Variants in NUP107 observed in about 807,000 individuals in gnomAD.
NUP107 encodes nucleoporin 107, also known as nuclear pore complex protein Nup107.
A neutral mutation model predicts 141.0 loss-of-function variants in NUP107; 101 were observed. The ratio of observed to expected loss-of-function variants is 0.72; its 90% CI spans 0.61 to 0.84. NUP107 has a LOEUF of 0.84. Among genes scored for constraint, NUP107 ranks in the 40% least tolerant of loss-of-function variants. The pLI is 0.00. For synonymous variants in NUP107, 319 were observed against 363.9 expected (o/e 0.88, Z 1.41); for missense variants, 941 against 1,102.7 (o/e 0.85, Z 2.08).
chr12:68,719,479 C>T lies in NUP107; in HGVS notation c.1174+48C>T, dbSNP rs767851361. On this transcript the variant is annotated intron_variant, in intron 13 of 27. Coordinates refer to ENST00000229179, the MANE Select transcript of NUP107 (RefSeq NM_020401.4). Reference sequence around the variant, plus strand: ...GACAGTTGAGGACAAAGGCATTTCGCTCTAAATGCCAATCTTTGTGAACTA... The same window carrying T: ...GACAGTTGAGGACAAAGGCATTTCGTTCTAAATGCCAATCTTTGTGAACTA... The T allele has an allele frequency of 3.9e-5, 60 of 1,552,668 alleles. No individual in the cohort carries two copies. The East Asian group carries it at 1.3e-3, about 34-fold the overall frequency.
chr12:68,719,442 A>G lies in NUP107; in HGVS notation c.1174+11A>G. 6.2e-7 allele frequency: 1 copy of G among 1,610,358 alleles called. No homozygotes were observed. Among genetic ancestry groups the G allele is most frequent in the Non-Finnish European group, 8.5e-7 (1 of 1,176,714 alleles). On this transcript the variant is annotated intron_variant, in intron 13 of 27. Transcript: ENST00000229179. ...CTAATGTTAATGGAGGTATTTTAGT[A>G]GATTTTATTCTGACAGTTGAGGACA...
At chr12:68,728,832 C>T (rs141872227) in intron 20 of NUP107, among the ~76,000 whole-genome samples, 3 of 151,570 alleles carry the variant, frequency 2.0e-5, no homozygotes, top group East Asian at 3.9e-4. Context: ...CTATACTGTA[C>T]CTGTTAATAC....
At chr12:68,735,719 CAG>C (rs1162281121) in intron 26 of NUP107, among the ~76,000 whole-genome samples, 1 of 152,110 alleles carries the variant, frequency 6.6e-6, no homozygotes, top group Non-Finnish European at 1.5e-5. Context: ...AATGACCTGG[CAG>C]ACTTTTTAAA....
chr12:68,704,456 T>C (rs1444253029), intron 8 of NUP107, among the ~76,000 whole-genome samples: 2 of 151,832 alleles, frequency 1.3e-5, no homozygotes, highest in Non-Finnish European at 2.9e-5. Context: ...TAAAAGTAAT[T>C]CTTTTTTTTT....
At chr12:68,740,059 T>C (rs1013288736) in intron 26 of NUP107, 2 of 152,210 alleles carry the variant, frequency 1.3e-5, no homozygotes, top group African/African-American at 4.8e-5. Flanking sequence ...TTCATTATAA[T>C]TAGCAGAAGA....
In NUP107 at chr12:68,737,934, G is replaced by A. The variant is rs147508836; in HGVS notation, c.2502+2590G>A. 3.8e-4 allele frequency among the ~76,000 whole-genome samples: 58 copies of A among 152,182 alleles called. No individual in the cohort carries two copies. The East Asian group carries it at 9.5e-3, about 25-fold the overall frequency. ...AGGAGGGCAGATCACGTGAGGCCAG[G>A]AATTCGAGACCAGCCTGGCCAATAT... On this transcript the variant is annotated intron_variant, in intron 26 of 27. Coordinates refer to ENST00000229179, the MANE Select transcript of NUP107 (RefSeq NM_020401.4).
At chr12:68,730,829 G>A (rs1877791848) in intron 20 of NUP107, among the ~76,000 whole-genome samples, 1 of 152,000 alleles carries the variant, frequency 6.6e-6, no homozygotes, top group South Asian at 2.1e-4. Context: ...AATTAGCAGG[G>A]CATAGTGGCA....
intron 8 of NUP107, among the ~76,000 whole-genome samples, chr12:68,707,335 C>T (rs1157839828): frequency 1.3e-5 from 2 of 152,152 alleles, no homozygotes; most frequent in Non-Finnish European, 2.9e-5. Flanking sequence ...GGTGTGGAGG[C>T]TCATGCCGGT....
intron 19 of NUP107, among the ~76,000 whole-genome samples, 164 bp downstream of exon 19, chr12:68,726,781 G>A (rs1199149274): frequency 6.6e-6 from 1 of 152,222 alleles, no homozygotes; most frequent in Non-Finnish European, 1.5e-5. Flanking sequence ...CTCACTGAGA[G>A]TGGCCCTTTA....
chr12:68,688,833 TA>T, intron 1 of NUP107, 128 bp from the exon 2 acceptor site: 1 of 551,978 alleles, frequency 1.8e-6, no homozygotes, highest in Non-Finnish European at 3.1e-6. Context: ...ACAAAAGATC[TA>T]AGACTTGGCT....
At chr12:68,692,588 A>C (rs1453755419) in intron 5 of NUP107, among the ~76,000 whole-genome samples, 2 of 139,160 alleles carry the variant, frequency 1.4e-5, no homozygotes, top group Non-Finnish European at 3.3e-5. Flanking sequence ...AAAAAAAAAA[A>C]ACAAAAAAAA....
intron 8 of NUP107, among the ~76,000 whole-genome samples, chr12:68,709,030 G>C (rs953462775): frequency 6.6e-6 from 1 of 152,168 alleles, no homozygotes; most frequent in Admixed American, 6.6e-5. Context: ...CCAGGTAAGA[G>C]CAGCTACAAT....
chr12:68,710,382 G>T (rs1435759974), intron 10 of NUP107, among the ~76,000 whole-genome samples: 1 of 152,138 alleles, frequency 6.6e-6, no homozygotes, highest in African/African-American at 2.4e-5. Flanking sequence ...AACAAGCCGG[G>T]TGTGATGGCT....
intron 1 of NUP107, chr12:68,687,484 C>T: frequency 1.9e-6 from 2 of 1,039,352 alleles, no homozygotes; most frequent in Non-Finnish European, 2.3e-6. Flanking sequence ...TGAGTTCCCT[C>T]TATGATCTGG....
intron 10 of NUP107, among the ~76,000 whole-genome samples, chr12:68,711,531 A>G (rs12581856): frequency 7.3e-6 from 1 of 136,918 alleles, no homozygotes; most frequent in African/African-American, 2.5e-5. Flanking sequence ...GCGAGACTCC[A>G]CCTCAAAAAA....
rs200415130 is a variant in NUP107, at chr12:68,725,724, C to T, written c.1507-3C>T. On this transcript the variant is annotated splice_region_variant and splice_polypyrimidine_tract_variant and intron_variant, in intron 17 of 27. Coordinates refer to ENST00000229179, the MANE Select transcript of NUP107 (RefSeq NM_020401.4). ...TATGGAAAATTAAAAACTTTTTTTT[C>T]AGAGAGTTCTGGAAGAGAATCAAGA... The T allele has an allele frequency of 2.0e-5, 30 of 1,480,902 alleles. No homozygotes were observed. The East Asian group carries it at 6.4e-4, about 32-fold the overall frequency. 91.7% of individuals were successfully genotyped at this position (1,480,902 alleles called of 1,614,324 possible).
intron 8 of NUP107, chr12:68,706,942 C>T: frequency 1.5e-6 from 1 of 676,952 alleles, no homozygotes. Flanking sequence ...ACAGCCTGGA[C>T]TCCAGCTTTG....
At chr12:68,694,167 A>G (rs1250411027) in intron 5 of NUP107, among the ~76,000 whole-genome samples, 1 of 152,214 alleles carries the variant, frequency 6.6e-6, no homozygotes, top group Non-Finnish European at 1.5e-5. Flanking sequence ...AGTATCTGTC[A>G]AAAACAGGTA....
At chr12:68,700,969 C>A in intron 7 of NUP107, 116 bp downstream of exon 7, 1 of 982,380 alleles carries the variant, frequency 1.0e-6, no homozygotes, top group Non-Finnish European at 1.5e-6. Flanking sequence ...ATTTTTGATG[C>A]TTATCATTTC....
Sources: gnomAD v4.1 joint callset for allele counts (sites outside exome capture counted in the v4.1 genomes callset) on GRCh38, gnomAD v4.1.1 for gene constraint, MANE v1.5 for transcripts, NCBI Gene and HGNC (gene_info 2026-07-23, HGNC 2026-07-21) for gene names.